Variants in SYT2 observed in about 807,000 individuals in gnomAD.
The protein encoded by SYT2 is synaptotagmin-2.
Under a neutral mutation model 39.9 loss-of-function variants are expected in SYT2, and 15 were observed. The observed-to-expected ratio is 0.38, with a 90% CI of 0.25 to 0.58. The LOEUF is 0.58. Ranked by LOEUF, SYT2 falls within the 20% of genes least tolerant of loss-of-function variation. The pLI is 0.70. For synonymous variants in SYT2, 181 were observed against 204.5 expected (o/e 0.89, Z 0.98); for missense variants, 389 against 530.3 (o/e 0.73, Z 2.62).
rs1690178396 is a variant in SYT2 at position 202,593,018 on chromosome 1, C to T, written c.*3739G>A. 1 of 152,194 alleles carries T rather than the reference C, an allele frequency of 6.6e-6. No homozygotes were observed. Among genetic ancestry groups the T allele is most frequent in the Non-Finnish European group, 1.5e-5 (1 of 68,052 alleles). The allele number at this position is 152,194 out of a possible 1,614,324, so 9.4% of individuals were successfully genotyped here. ...AACCATAGCATGGGGCTCAGGGCCA[C>T]CAGGATCTTGGGACTCCTCCCTGCC... is the stretch of plus-strand genomic sequence containing the variant. On this transcript the variant is annotated 3_prime_UTR_variant, in exon 9 of 9. Coordinates refer to ENST00000367268, the MANE Select transcript of SYT2 (RefSeq NM_177402.5).
At chr1:202,668,378 T>C (rs768938140) in intron 1 of SYT2, among the ~76,000 whole-genome samples, 6 of 152,192 alleles carry the variant, frequency 3.9e-5, no homozygotes, top group Non-Finnish European at 7.3e-5. Flanking sequence ...CTTTATAAAG[T>C]TGATAGCATA....
At chr1:202,655,985 G>A (rs4950784) in intron 1 of SYT2, among the ~76,000 whole-genome samples, 55,841 of 152,012 alleles carry the variant, frequency 0.37, 12,105 homozygotes, top group East Asian at 0.73. Context: ...GCAGCAACAG[G>A]TGTGACCCCA....
intron 1 of SYT2, among the ~76,000 whole-genome samples, chr1:202,620,975 G>A (rs1332610190): frequency 1.3e-5 from 2 of 152,180 alleles, no homozygotes; most frequent in East Asian, 1.9e-4. Flanking sequence ...TGGAAGAATC[G>A]GTGTGCAGGG....
intron 1 of SYT2, among the ~76,000 whole-genome samples, chr1:202,660,783 G>A (rs1333899591): frequency 3.9e-5 from 6 of 152,008 alleles, no homozygotes; most frequent in African/African-American, 7.3e-5. Flanking sequence ...GCGTCATGCC[G>A]GTGGATCACA....
intron 3 of SYT2, 130 bp downstream of exon 3, chr1:202,604,325 G>A (rs986397187): frequency 9.8e-6 from 9 of 915,292 alleles, no homozygotes; most frequent in Middle Eastern, 4.9e-4. Flanking sequence ...AGATGTAACT[G>A]AGAGAGCCAA....
At chr1:202,619,476 AG>A (rs1309116954) in intron 1 of SYT2, among the ~76,000 whole-genome samples, 2 of 152,206 alleles carry the variant, frequency 1.3e-5, no homozygotes, top group African/African-American at 4.8e-5. Flanking sequence ...ACACAAGGGA[AG>A]GGACTGAGGA....
chr1:202,630,350 A>G (rs893087934), intron 1 of SYT2: 15 of 984,856 alleles, frequency 1.5e-5, no homozygotes, highest in Admixed American at 1.2e-4. Flanking sequence ...ACAGACCCCA[A>G]TAGAGCGCCG....
chr1:202,670,187 C>G (rs1459700275), intron 1 of SYT2, among the ~76,000 whole-genome samples: 2 of 152,188 alleles, frequency 1.3e-5, no homozygotes, highest in Non-Finnish European at 2.9e-5. Context: ...TAGAATTTAG[C>G]CTCTCTGCAG....
chr1:202,666,472 G>A (rs1029610116), intron 1 of SYT2, among the ~76,000 whole-genome samples: 7 of 152,202 alleles, frequency 4.6e-5, no homozygotes, highest in Non-Finnish European at 8.8e-5. Context: ...GTACAGAGAG[G>A]AGAGGGTTTG....
At chr1:202,613,069 T>A (rs1279134946) in intron 1 of SYT2, among the ~76,000 whole-genome samples, 1 of 7,620 alleles carries the variant, frequency 1.3e-4, no homozygotes, top group East Asian at 0.017. Flanking sequence ...TGGTTCTTCC[T>A]TTTTTTTTTT....
intron 1 of SYT2, among the ~76,000 whole-genome samples, chr1:202,655,517 C>T (rs937542993): frequency 6.6e-6 from 1 of 152,138 alleles, no homozygotes; most frequent in African/African-American, 2.4e-5. Flanking sequence ...GGAACACCAC[C>T]GTTTACGCAC....
At position 202,595,483 on chromosome 1, in the gene SYT2, G is replaced by A. The variant is rs1690255131; in HGVS notation, c.*1274C>T. The A allele has an allele frequency of 6.6e-6, 1 of 152,282 alleles. No individual in the cohort carries two copies. Among genetic ancestry groups the A allele is most frequent in the Admixed American group, 6.5e-5 (1 of 15,288 alleles). The allele number at this position is 152,282 out of a possible 1,614,324, so 9.4% of individuals were successfully genotyped here. ...GGGCAGAGGGCCAAGGGAGCAAGGA[G>A]TGGGAGTCGGGGGAATTCCAGTGCT... On this transcript the variant is annotated 3_prime_UTR_variant, in exon 9 of 9. Transcript: ENST00000367268.
chr1:202,678,287 A>C (rs1056646140), intron 1 of SYT2, among the ~76,000 whole-genome samples: 1 of 148,874 alleles, frequency 6.7e-6, no homozygotes, highest in Non-Finnish European at 1.5e-5. Flanking sequence ...AAAAAAAAAA[A>C]AAAAAAAAAA....
At chr1:202,620,567 G>C (rs547724925) in intron 1 of SYT2, among the ~76,000 whole-genome samples, 1 of 151,912 alleles carries the variant, frequency 6.6e-6, no homozygotes, top group African/African-American at 2.4e-5. Context: ...GGGATACGCC[G>C]GGATGGGGAG....
At chr1:202,677,685 T>C (rs1288668780) in intron 1 of SYT2, among the ~76,000 whole-genome samples, 1 of 152,200 alleles carries the variant, frequency 6.6e-6, no homozygotes, top group Non-Finnish European at 1.5e-5. Flanking sequence ...AAGTAAATGA[T>C]TGTTTTTGTT....
chr1:202,605,765 T>C lies in SYT2; in HGVS notation c.8A>G (p.Asn3Ser). MR[N>S]IFKRNQEPIV... is the part of the protein sequence containing the mutation. ...AGGCTCCTGGTTCCTCTTGAAAATG[T>C]TCCTCATGGTGGCAGAGGAAACAGC... Residue 3 changes from asparagine to serine, a missense_variant, in exon 2 of 9, where the codon AAC becomes AGC. Asn to Ser is a conservative substitution (Grantham distance 46). Around this residue, in one of 4 missense-constraint regions of SYT2, gnomAD observed 280 missense variants for 335.6 expected, o/e 0.83. Coordinates refer to ENST00000367268, the MANE Select transcript of SYT2 (RefSeq NM_177402.5). 1.9e-6 allele frequency: 3 copies of C among 1,613,942 alleles called. No homozygotes were observed. The highest frequency in any genetic ancestry group is 2.5e-6 in the Non-Finnish European group (3 of 1,179,892).
intron 1 of SYT2, among the ~76,000 whole-genome samples, chr1:202,674,711 T>C (rs1162818789): frequency 6.6e-6 from 1 of 152,130 alleles, no homozygotes; most frequent in African/African-American, 2.4e-5. Context: ...GCACTTGGTA[T>C]GAAACCCCTA....
chr1:202,670,336 G>A (rs1443224664), intron 1 of SYT2, among the ~76,000 whole-genome samples: 1 of 152,106 alleles, frequency 6.6e-6, no homozygotes, highest in Non-Finnish European at 1.5e-5. Flanking sequence ...TAGAGAAGTG[G>A]GAGCATCGGG....
chr1:202,693,224 TG>T (rs1459982535), intron 1 of SYT2, among the ~76,000 whole-genome samples: 2 of 152,176 alleles, frequency 1.3e-5, no homozygotes, highest in African/African-American at 4.8e-5. Context: ...TTTCCAGAAT[TG>T]CAAGGGTGCT....
Sources: allele counts gnomAD v4.1 joint callset (sites outside exome capture counted in the v4.1 genomes callset), GRCh38; gene constraint gnomAD v4.1.1; regional missense constraint gnomAD v4.1.1; transcripts MANE v1.5; gene names NCBI Gene and HGNC (gene_info 2026-07-23, HGNC 2026-07-21).